SLMAP: variants seen among roughly 807,000 people sequenced by gnomAD.
SLMAP encodes the protein sarcolemma associated protein, also known as sarcolemmal membrane-associated protein.
SLMAP carries 44 observed loss-of-function variants against 128.8 expected under a neutral mutation model. That is an observed-to-expected ratio of 0.34 (90% CI 0.27 to 0.44). The LOEUF (loss-of-function observed/expected upper bound fraction) is 0.44, where lower values mean the gene tolerates loss of function less well. Ranked by LOEUF, SLMAP falls within the 20% of genes least tolerant of loss-of-function variation. SLMAP has a pLI of 1.00. For missense variants in SLMAP, 787 were observed against 985.3 expected (o/e 0.80, Z 2.69); for synonymous variants, 327 against 348.8 (o/e 0.94, Z 0.70).
At chr3:57,875,908 A>C (rs1283996559) in intron 14 of SLMAP, among the ~76,000 whole-genome samples, 1 of 152,212 alleles carries the variant, frequency 6.6e-6, no homozygotes, top group Non-Finnish European at 1.5e-5. Context: ...ATCTTAAGTA[A>C]ATTTATACTC....
At position 57,776,519 on chromosome 3, in the gene SLMAP, TC is replaced by T. The variant is rs2081970756; in HGVS notation, c.198+18671del. 2.5e-3 allele frequency among the ~76,000 whole-genome samples: 305 copies of T among 123,726 alleles called. 1 individual carries two copies. The highest frequency in any genetic ancestry group is 4.2e-3 in the Middle Eastern group (1 of 240). The allele number at this position is 123,726 out of a possible 152,430, so 81.2% of individuals were successfully genotyped here. A position where few individuals can be genotyped will look rare whatever the true frequency, so the allele number is the denominator to read the frequency against. ...CTGATTTGTCCCTTCTCTCTCTCTC[TC>T]TCTTTTTTTTTTTTTTTTTTTTTGA... On this transcript the variant is annotated intron_variant, in intron 2 of 24. Transcript: ENST00000671191.
At chr3:57,821,789 C>T (rs1240562060) in intron 2 of SLMAP, among the ~76,000 whole-genome samples, 2 of 152,140 alleles carry the variant, frequency 1.3e-5, no homozygotes, top group East Asian at 3.9e-4. Context: ...ATTGCAACTT[C>T]TTAGTCCAGT....
chr3:57,920,381 C>G lies in SLMAP; in HGVS notation c.2311-2508C>G, dbSNP rs536142696. Among the ~76,000 whole-genome samples, 5 of 152,282 alleles carry G rather than the reference C, an allele frequency of 3.3e-5. No individual in the cohort carries two copies. In the South Asian group the frequency reaches 1.0e-3, roughly 32 times the overall value. ...TTTACCTCCCTCTCTGTACCTATAT[C>G]TTTCTTCTCTTTTTCTGGTGACCTC... On this transcript the variant is annotated intron_variant, in intron 22 of 24. Transcript: ENST00000671191.
In SLMAP at chr3:57,865,299, T is replaced by TC. The variant is rs1481532334; in HGVS notation, c.1237+7_1237+8insC. 8.2e-7 allele frequency: 1 copy of TC among 1,223,818 alleles called. No individual in the cohort carries two copies. Among genetic ancestry groups the TC allele is most frequent in the African/African-American group, 1.5e-5 (1 of 66,280 alleles). The allele number at this position is 1,223,818 out of a possible 1,614,324, so 75.8% of individuals were successfully genotyped here. A position where few individuals can be genotyped will look rare whatever the true frequency, so the allele number is the denominator to read the frequency against. On this transcript the variant is annotated splice_region_variant and intron_variant, in intron 13 of 24. Coordinates refer to ENST00000671191, the MANE Select transcript of SLMAP (RefSeq NM_001377540.1). ...AATGGGAGCACAGAAAAAGGTAGTG[T>TC]AAAAAACTTAAATATATATATACTT...
intron 2 of SLMAP, among the ~76,000 whole-genome samples, chr3:57,794,510 G>A (rs151301343): frequency 4.6e-5 from 7 of 151,872 alleles, no homozygotes; most frequent in East Asian, 3.9e-4. Flanking sequence ...ACAAAATTGC[G>A]CATCTATTAC....
intron 14 of SLMAP, 38 bp from the exon 15 acceptor site, chr3:57,890,003 G>C (rs372041558): frequency 6.8e-7 from 1 of 1,469,090 alleles, no homozygotes; most frequent in African/African-American, 1.4e-5. Flanking sequence ...ATGCTGCTCA[G>C]TTTGGGCTTG....
At chr3:57,775,067 T>G (rs1400262476) in intron 2 of SLMAP, among the ~76,000 whole-genome samples, 2 of 151,846 alleles carry the variant, frequency 1.3e-5, no homozygotes, top group Non-Finnish European at 2.9e-5. Context: ...TTTCTTTTTT[T>G]TTTTTGAGAC....
rs146366697 is a variant in SLMAP at position 57,894,207 on chromosome 3, A to G, written c.1361-2304A>G. 1.5e-3 allele frequency among the ~76,000 whole-genome samples: 221 copies of G among 152,276 alleles called. 1 individual carries two copies. Among genetic ancestry groups the G allele is most frequent in the African/African-American group, 4.6e-3 (193 of 41,552 alleles). ...AAAAGTAAATGTCCACCATGTCCCT[A>G]TCCCCAAAAATAACTAATGATGTCT... On this transcript the variant is annotated intron_variant, in intron 15 of 24. Coordinates refer to ENST00000671191, the MANE Select transcript of SLMAP (RefSeq NM_001377540.1).
intron 8 of SLMAP, among the ~76,000 whole-genome samples, chr3:57,859,886 G>T (rs965279723): frequency 8.5e-5 from 13 of 152,078 alleles, no homozygotes; most frequent in Non-Finnish European, 1.8e-4. Flanking sequence ...TAACCCTGAG[G>T]TATGTTTTCT....
rs764650102 is a variant in SLMAP, at chr3:57,877,038, C to CT, written c.1300+5352dup. Among the ~76,000 whole-genome samples, 1,265 of 146,238 alleles carry CT rather than the reference C, an allele frequency of 8.7e-3. 10 individuals are homozygous for CT. Among genetic ancestry groups the CT allele is most frequent in the Non-Finnish European group, 0.013 (866 of 66,162 alleles). On this transcript the variant is annotated intron_variant, in intron 14 of 24. Coordinates refer to ENST00000671191, the MANE Select transcript of SLMAP (RefSeq NM_001377540.1). The stretch of plus-strand genomic sequence containing the variant: ...GAAGTAGACCTCATGCCTTTGTATT[C>CT]TTTTTTTTTTTTAACACCTGAGATC...
At chr3:57,820,446 C>G (rs945114268) in intron 2 of SLMAP, among the ~76,000 whole-genome samples, 10 of 152,054 alleles carry the variant, frequency 6.6e-5, no homozygotes, top group African/African-American at 2.4e-4. Context: ...TCTTGTCAAC[C>G]CATCAGTTTT....
intron 22 of SLMAP, among the ~76,000 whole-genome samples, chr3:57,920,671 A>G (rs1476678944): frequency 6.6e-6 from 1 of 152,114 alleles, no homozygotes; most frequent in African/African-American, 2.4e-5. Context: ...CCTATGGTAT[A>G]TCTATTTTAT....
intron 13 of SLMAP, among the ~76,000 whole-genome samples, chr3:57,866,170 G>A (rs1260108518): frequency 7.9e-5 from 12 of 152,150 alleles, no homozygotes; most frequent in Non-Finnish European, 1.3e-4. Context: ...TACGTGGGAG[G>A]CTGAGGTGGG....
chr3:57,880,800 G>A (rs919603914), intron 14 of SLMAP, among the ~76,000 whole-genome samples: 2 of 152,082 alleles, frequency 1.3e-5, no homozygotes, highest in East Asian at 1.9e-4. Flanking sequence ...TGGGAGGATC[G>A]CTTGAGCCCT....
At chr3:57,763,334 G>C (rs1335956344) in intron 2 of SLMAP, among the ~76,000 whole-genome samples, 1 of 151,338 alleles carries the variant, frequency 6.6e-6, no homozygotes, top group African/African-American at 2.4e-5. Context: ...GAGTGCAATG[G>C]TGTGATCTCG....
chr3:57,900,493 G>A (rs967983405), intron 17 of SLMAP: 2 of 152,122 alleles, frequency 1.3e-5, no homozygotes, highest in African/African-American at 4.8e-5. Context: ...GGGGAACCTT[G>A]CCAGGGACTG....
intron 5 of SLMAP, among the ~76,000 whole-genome samples, chr3:57,848,369 CCTT>C (rs1427340909): frequency 6.6e-6 from 1 of 151,066 alleles, no homozygotes. Flanking sequence ...CTTTCTTCCT[CCTT>C]CTGCCTTCTT....
At chr3:57,788,779 ATCAAT>A (rs2084792243) in intron 2 of SLMAP, among the ~76,000 whole-genome samples, 1 of 152,172 alleles carries the variant, frequency 6.6e-6, no homozygotes, top group African/African-American at 2.4e-5. Context: ...GGTCTGTCTC[ATCAAT>A]GGCTTGAGGG....
chr3:57,913,831 G>T (rs1237199990), intron 21 of SLMAP, among the ~76,000 whole-genome samples: 2 of 152,072 alleles, frequency 1.3e-5, no homozygotes, highest in Admixed American at 1.3e-4. Context: ...AGTGATGTGT[G>T]CTTGTAGTCT....
Sources: allele counts gnomAD v4.1 joint callset (sites outside exome capture counted in the v4.1 genomes callset), GRCh38; gene constraint gnomAD v4.1.1; transcripts MANE v1.5; gene names NCBI Gene and HGNC (gene_info 2026-07-23, HGNC 2026-07-21).